SOX5: variants seen among roughly 807,000 people sequenced by gnomAD.
SOX5 encodes the protein transcription factor SOX-5.
Under a neutral mutation model 92.0 loss-of-function variants are expected in SOX5, and 9 were observed. That is an observed-to-expected ratio of 0.10 (90% CI 0.06 to 0.17). The LOEUF (loss-of-function observed/expected upper bound fraction) is 0.17. Ranked by LOEUF, SOX5 falls within the 10% of genes least tolerant of loss-of-function variation. The pLI is 1.00. For missense variants in SOX5, 642 were observed against 944.5 expected (o/e 0.68, Z 4.20); for synonymous variants, 344 against 336.3 (o/e 1.02, Z -0.25).
intron 9 of SOX5, among the ~76,000 whole-genome samples, chr12:23,576,116 A>G (rs1949064028): frequency 6.6e-6 from 1 of 152,230 alleles, no homozygotes; most frequent in Admixed American, 6.5e-5. Flanking sequence ...TATTCTTAAA[A>G]AGCTACTCTT....
At chr12:23,539,354 T>C (rs1941392824) in intron 13 of SOX5, among the ~76,000 whole-genome samples, 1 of 152,156 alleles carries the variant, frequency 6.6e-6, no homozygotes. Flanking sequence ...CAGCTTATAT[T>C]CAGTCAGGGA....
At chr12:23,732,042 T>C (rs1207385134) in intron 6 of SOX5, among the ~76,000 whole-genome samples, 1 of 152,194 alleles carries the variant, frequency 6.6e-6, no homozygotes, top group Non-Finnish European at 1.5e-5. Context: ...TATGGTAAAT[T>C]ATTTTGTGAG....
intron 4 of SOX5, among the ~76,000 whole-genome samples, chr12:24,057,010 AAAGT>A (rs147940493): frequency 0.022 from 3,198 of 148,718 alleles, 143 homozygotes; most frequent in African/African-American, 0.075. Flanking sequence ...AAAAAAAAAG[AAAGT>A]AAGTAAGTAA....
intron 4 of SOX5, among the ~76,000 whole-genome samples, chr12:24,189,241 C>T (rs1474044753): frequency 6.6e-6 from 1 of 152,106 alleles, no homozygotes; most frequent in Admixed American, 6.5e-5. Context: ...AAATACTGGC[C>T]GTTCTCCAAT....
At chr12:24,054,812 G>A (rs746944374) in intron 4 of SOX5, among the ~76,000 whole-genome samples, 11 of 152,170 alleles carry the variant, frequency 7.2e-5, no homozygotes, top group Non-Finnish European at 1.5e-4. Context: ...AAGTGAACAC[G>A]GGCATGTATA....
At chr12:24,238,778 A>G (rs1965018720) in intron 3 of SOX5, among the ~76,000 whole-genome samples, 1 of 152,134 alleles carries the variant, frequency 6.6e-6, no homozygotes, top group Non-Finnish European at 1.5e-5. Context: ...TAATCCAAAT[A>G]ATGCACCTTG....
chr12:24,087,425 T>C (rs933889416), intron 4 of SOX5, among the ~76,000 whole-genome samples: 24 of 152,258 alleles, frequency 1.6e-4, no homozygotes, highest in African/African-American at 5.8e-4. Flanking sequence ...CTTCTATTTT[T>C]ACCTTGAGTG....
At chr12:24,419,528 A>G (rs1412663387) in intron 1 of SOX5, among the ~76,000 whole-genome samples, 2 of 152,150 alleles carry the variant, frequency 1.3e-5, no homozygotes, top group Admixed American at 1.3e-4. Context: ...CTGAACAGCA[A>G]ATGTTACAGA....
chr12:23,753,576 A>T (rs565067932), intron 4 of SOX5, among the ~76,000 whole-genome samples: 11 of 151,940 alleles, frequency 7.2e-5, no homozygotes, highest in Non-Finnish European at 1.5e-4. Flanking sequence ...CAGATTTTAA[A>T]AAAAAGATTA....
At chr12:24,470,750 A>G (rs1199502005) in intron 1 of SOX5, among the ~76,000 whole-genome samples, 3 of 152,162 alleles carry the variant, frequency 2.0e-5, no homozygotes, top group Non-Finnish European at 2.9e-5. Context: ...CCCATTATTT[A>G]CCAGGTGAGT....
chr12:23,984,714 T>C (rs1389198880), intron 4 of SOX5, among the ~76,000 whole-genome samples: 1 of 152,172 alleles, frequency 6.6e-6, no homozygotes, highest in African/African-American at 2.4e-5. Flanking sequence ...TTTCAAACTA[T>C]AGGCCTTTTC....
chr12:24,475,973 C>T (rs946977496), intron 1 of SOX5, among the ~76,000 whole-genome samples: 1 of 149,200 alleles, frequency 6.7e-6, no homozygotes, highest in Non-Finnish European at 1.5e-5. Flanking sequence ...CAGAGCAAGA[C>T]CCTGTCTCCG....
intron 4 of SOX5, chr12:24,212,397 T>A (rs772294041): frequency 1.9e-6 from 1 of 533,628 alleles, no homozygotes; most frequent in East Asian, 5.5e-5. Context: ...TCTCTCTGTA[T>A]AATGAAAACT....
At chr12:23,824,636 C>A (rs2068544544) in intron 3 of SOX5, among the ~76,000 whole-genome samples, 1 of 152,168 alleles carries the variant, frequency 6.6e-6, no homozygotes, top group Non-Finnish European at 1.5e-5. Flanking sequence ...CCACTGCTCT[C>A]TTCAGAGCCT....
At chr12:23,704,179 G>A (rs1037589756) in intron 6 of SOX5, among the ~76,000 whole-genome samples, 4 of 151,686 alleles carry the variant, frequency 2.6e-5, no homozygotes, top group Non-Finnish European at 5.9e-5. Context: ...ACGCTTGTGT[G>A]TGTGTGTAAA....
chr12:23,914,248 T>A (rs2097386299), intron 1 of SOX5, among the ~76,000 whole-genome samples: 1 of 152,184 alleles, frequency 6.6e-6, no homozygotes, highest in African/African-American at 2.4e-5. Flanking sequence ...TTCTAAATTT[T>A]TTTCATAGTA....
intron 1 of SOX5, among the ~76,000 whole-genome samples, chr12:24,488,928 T>C (rs887466711): frequency 2.0e-5 from 3 of 152,212 alleles, no homozygotes; most frequent in African/African-American, 7.2e-5. Context: ...TTTTAAAATA[T>C]TGTAATAGAA....
At chr12:24,133,895 A>C (rs1489916746) in intron 4 of SOX5, among the ~76,000 whole-genome samples, 1 of 152,156 alleles carries the variant, frequency 6.6e-6, no homozygotes, top group Non-Finnish European at 1.5e-5. Flanking sequence ...CACACCAAAA[A>C]TATTGGCATA....
intron 1 of SOX5, among the ~76,000 whole-genome samples, chr12:24,496,012 T>G (rs1426876074): frequency 1.3e-5 from 2 of 152,190 alleles, no homozygotes. Flanking sequence ...ATAAATTCAG[T>G]TGAATGTGCC....
Sources: gnomAD v4.1 joint callset for allele counts (sites outside exome capture counted in the v4.1 genomes callset) on GRCh38, gnomAD v4.1.1 for gene constraint, MANE v1.5 for transcripts, NCBI Gene and HGNC (gene_info 2026-07-23, HGNC 2026-07-21) for gene names.